FRMD3: variants seen among roughly 807,000 people sequenced by gnomAD.
FRMD3 encodes FERM domain-containing protein 3.
Under a neutral mutation model 70.2 loss-of-function variants are expected in FRMD3, and 33 were observed. That is an observed-to-expected ratio of 0.47 (90% CI 0.36 to 0.63). The LOEUF (loss-of-function observed/expected upper bound fraction) is 0.63, where lower values mean the gene tolerates loss of function less well. Ranked by LOEUF, FRMD3 falls within the 20% of genes least tolerant of loss-of-function variation. FRMD3 has a pLI of 0.00. For missense variants in FRMD3, 632 were observed against 711.4 expected (o/e 0.89, Z 1.27); for synonymous variants, 279 against 255.9 (o/e 1.09, Z -0.86).
chr9:83,290,628 T>C lies in FRMD3; in HGVS notation c.1170A>G (p.Gln390=). ...CCTCACCCAGAGGAAGTTCTTCTTC[T>C]TGCTCGCTGGGGGAAGGAAGCAGGG... ...LQPLLPSPSE[Q]EEELPLGEGV... Residue 390 remains glutamine (Q), a synonymous_variant, in exon 13 of 14, where the codon CAA becomes CAG. Transcript: ENST00000304195. 1 of 1,614,104 alleles carries C rather than the reference T, an allele frequency of 6.2e-7. No individual in the cohort carries two copies. The highest frequency in any genetic ancestry group is 1.1e-5 in the South Asian group (1 of 91,076).
intron 13 of FRMD3, among the ~76,000 whole-genome samples, chr9:83,278,329 G>A (rs145323986): frequency 6.6e-5 from 10 of 152,212 alleles, no homozygotes; most frequent in African/African-American, 2.4e-4. Flanking sequence ...AAGTAGATCT[G>A]AGCTCCACTT....
At chr9:83,490,095 G>C (rs957601354) in intron 1 of FRMD3, among the ~76,000 whole-genome samples, 1 of 152,018 alleles carries the variant, frequency 6.6e-6, no homozygotes, top group Non-Finnish European at 1.5e-5. Flanking sequence ...TCTGCTAGTT[G>C]TGCCTTCCCT....
At chr9:83,325,645 C>A (rs568231028) in intron 6 of FRMD3, among the ~76,000 whole-genome samples, 3 of 152,258 alleles carry the variant, frequency 2.0e-5, no homozygotes, top group African/African-American at 7.2e-5. Context: ...ATTTAAATTG[C>A]AACTTTTTCA....
In FRMD3 at chr9:83,247,803, A is replaced by G. The variant is rs1832180669; in HGVS notation, c.*115T>C. 1.0e-5 allele frequency: 15 copies of G among 1,503,830 alleles called. No individual in the cohort carries two copies. Among genetic ancestry groups the G allele is most frequent in the Admixed American group, 2.3e-5 (1 of 43,652 alleles). 93.2% of individuals were successfully genotyped at this position (1,503,830 alleles called of 1,614,324 possible). A position where few individuals can be genotyped will look rare whatever the true frequency, so the allele number is the denominator to read the frequency against. On this transcript the variant is annotated 3_prime_UTR_variant, in exon 14 of 14. Transcript: ENST00000304195. Reference sequence around the variant, plus strand: ...GCTAACTTAAAGGTTTGAATAATCAATTATGAGTAAGGAACACCTGTTGAC... The same window carrying G: ...GCTAACTTAAAGGTTTGAATAATCAGTTATGAGTAAGGAACACCTGTTGAC...
At chr9:83,292,716 C>G (rs143555580) in intron 12 of FRMD3, among the ~76,000 whole-genome samples, 1 of 152,002 alleles carries the variant, frequency 6.6e-6, no homozygotes, top group South Asian at 2.1e-4. Flanking sequence ...GGTACGATCT[C>G]GGCTCACTAC....
chr9:83,339,685 A>C (rs1224896937), intron 5 of FRMD3, among the ~76,000 whole-genome samples: 3 of 152,146 alleles, frequency 2.0e-5, no homozygotes, highest in Non-Finnish European at 4.4e-5. Flanking sequence ...CATAGCAGGG[A>C]CTGGGCCTGT....
At chr9:83,554,960 T>C in the FRMD3 span, among the ~76,000 whole-genome samples, 1 of 152,076 alleles carries the variant, frequency 6.6e-6, no homozygotes, top group Non-Finnish European at 1.5e-5. Flanking sequence ...TGCTGCAAAA[T>C]GACAAAGATA....
At chr9:83,460,619 T>G (rs966938205) in intron 1 of FRMD3, among the ~76,000 whole-genome samples, 1 of 149,332 alleles carries the variant, frequency 6.7e-6, no homozygotes, top group Non-Finnish European at 1.5e-5. Context: ...AAGGGATCCG[T>G]TTTCATTTTG....
chr9:83,393,150 T>G (rs777575482), intron 1 of FRMD3, among the ~76,000 whole-genome samples: 9 of 152,220 alleles, frequency 5.9e-5, no homozygotes, highest in Admixed American at 2.6e-4. Context: ...AGAAATGCAC[T>G]GACAGGGTTG....
chr9:83,531,357 T>C (rs1829788240), intron 1 of FRMD3, among the ~76,000 whole-genome samples: 1 of 152,242 alleles, frequency 6.6e-6, no homozygotes, highest in Non-Finnish European at 1.5e-5. Flanking sequence ...TATTGTATTC[T>C]CCCTGAAGTC....
intron 1 of FRMD3, among the ~76,000 whole-genome samples, chr9:83,462,939 C>A (rs1828016467): frequency 6.6e-6 from 1 of 152,058 alleles, no homozygotes; most frequent in Non-Finnish European, 1.5e-5. Context: ...ATATTATCCC[C>A]AAAATAATAA....
chr9:83,317,956 A>G (rs1835649387), intron 6 of FRMD3, among the ~76,000 whole-genome samples: 1 of 152,340 alleles, frequency 6.6e-6, no homozygotes, highest in East Asian at 1.9e-4. Flanking sequence ...GAGCAACAAA[A>G]TATGTTTCAA....
Position 83,413,184 on chromosome 9 carries a change from A to T in FRMD3, c.148-23476T>A, listed in dbSNP as rs541553025. ...ATATTTTGAAGTTAACTGATCCTGT[A>T]AGTACATCAAAGTTTAAATTCATCT... On this transcript the variant is annotated intron_variant, in intron 1 of 13. Coordinates refer to ENST00000304195, the MANE Select transcript of FRMD3 (RefSeq NM_174938.6). Among the ~76,000 whole-genome samples the T allele has an allele frequency of 2.6e-5, 4 of 152,330 alleles. No homozygotes were observed. In the South Asian group the frequency reaches 8.3e-4, roughly 32 times the overall value.
At chr9:83,575,143 GCTCT>G in the FRMD3 span, among the ~76,000 whole-genome samples, 1 of 152,066 alleles carries the variant, frequency 6.6e-6, no homozygotes, top group Non-Finnish European at 1.5e-5. Flanking sequence ...CTAGGACCAA[GCTCT>G]CTATTAGTCA....
chr9:83,284,823 G>A (rs10867972), intron 13 of FRMD3, among the ~76,000 whole-genome samples: 128,046 of 152,148 alleles, frequency 0.84, 55,580 homozygotes, highest in East Asian at 0.97. Flanking sequence ...GACAGGCAGG[G>A]AGGAAGACCA....
intron 1 of FRMD3, among the ~76,000 whole-genome samples, chr9:83,459,187 AT>A (rs1417738820): frequency 1.3e-5 from 2 of 152,226 alleles, no homozygotes; most frequent in Non-Finnish European, 2.9e-5. Context: ...AATAGATTCC[AT>A]TTGTCCATCA....
chr9:83,508,015 G>A (rs1297917110), intron 1 of FRMD3, among the ~76,000 whole-genome samples: 1 of 151,966 alleles, frequency 6.6e-6, no homozygotes, highest in Non-Finnish European at 1.5e-5. Flanking sequence ...ACGGTACAGT[G>A]TCCTATATGC....
At chr9:83,287,436 A>AC (rs1442005044) in intron 13 of FRMD3, among the ~76,000 whole-genome samples, 1 of 152,140 alleles carries the variant, frequency 6.6e-6, no homozygotes, top group Non-Finnish European at 1.5e-5. Context: ...TCTACACATC[A>AC]CCAGAGTGAT....
At chr9:83,282,166 C>A (rs2118912534) in intron 13 of FRMD3, among the ~76,000 whole-genome samples, 1 of 152,292 alleles carries the variant, frequency 6.6e-6, no homozygotes, top group African/African-American at 2.4e-5. Context: ...ATTTTCTCAT[C>A]TCTCTAGGCT....
Sources: gnomAD v4.1 joint callset for allele counts (sites outside exome capture counted in the v4.1 genomes callset) on GRCh38, gnomAD v4.1.1 for gene constraint, MANE v1.5 for transcripts, NCBI Gene and HGNC (gene_info 2026-07-23, HGNC 2026-07-21) for gene names.